NIPBL: variants seen among roughly 807,000 people sequenced by gnomAD.
The protein encoded by NIPBL is nipped-B-like protein.
NIPBL carries 19 observed loss-of-function variants against 321.8 expected under a neutral mutation model. The observed-to-expected ratio is 0.06, with a 90% CI of 0.04 to 0.09. The LOEUF (loss-of-function observed/expected upper bound fraction) is 0.09. NIPBL is among the 10% of genes least tolerant of loss of function. The pLI, the probability that NIPBL is intolerant of heterozygous loss-of-function variation, is 1.00. For synonymous variants in NIPBL, 1,106 were observed against 1,114.1 expected, an observed-to-expected ratio of 0.99 and a Z score of 0.14; for missense variants, 2,210 against 3,327.0, an observed-to-expected ratio of 0.66 and a Z score of 8.26.
intron 1 of NIPBL, among the ~76,000 whole-genome samples, chr5:36,919,518 C>T (rs1748752712): frequency 6.6e-6 from 1 of 151,936 alleles, no homozygotes; most frequent in Non-Finnish European, 1.5e-5. Context: ...TTCTCTTTAC[C>T]ATGTGCTTCT....
intron 7 of NIPBL, 64 bp downstream of exon 7, chr5:36,971,100 T>C (rs1035309248): frequency 4.3e-6 from 6 of 1,399,736 alleles, no homozygotes; most frequent in Non-Finnish European, 6.0e-6. Context: ...AACCTAGTAT[T>C]TCCATTTCAA....
intron 1 of NIPBL, among the ~76,000 whole-genome samples, chr5:36,947,571 A>G (rs1739827433): frequency 6.6e-6 from 1 of 152,032 alleles, no homozygotes; most frequent in African/African-American, 2.4e-5. Flanking sequence ...TGCATATTAT[A>G]TTAGTCTTTA....
Position 36,985,320 on chromosome 5 carries a change from C to G in NIPBL, c.2140C>G (p.Pro714Ala). 6.2e-7 allele frequency: 1 copy of G among 1,613,612 alleles called. No homozygotes were observed. The highest frequency in any genetic ancestry group is 1.3e-5 in the African/African-American group (1 of 74,946). The change falls in exon 10 of 47, where the codon CCA becomes GCA. Residue 714 changes from proline to alanine, a missense_variant. Pro to Ala is a conservative substitution (Grantham distance 27). Transcript: ENST00000282516. The part of the protein sequence containing the change: ...KQKGESRPET[P>A]KQKSDGHPET... ...AAAGGGTGAAAGCCGGCCTGAGACT[C>G]CAAAACAAAAGAGTGATGGGCATCC...
At chr5:36,971,425 A>T (rs987131099) in intron 7 of NIPBL, among the ~76,000 whole-genome samples, 4 of 146,112 alleles carry the variant, frequency 2.7e-5, no homozygotes, top group Non-Finnish European at 6.1e-5. Flanking sequence ...TCACACTAAA[A>T]TTTTTTTTTT....
intron 11 of NIPBL, among the ~76,000 whole-genome samples, chr5:36,998,792 C>A (rs1746443628): frequency 6.6e-6 from 1 of 151,884 alleles, no homozygotes; most frequent in Non-Finnish European, 1.5e-5. Context: ...ATACACACAC[C>A]CTACTTATAT....
chr5:36,922,844 C>A (rs1749051466), intron 1 of NIPBL, among the ~76,000 whole-genome samples: 1 of 152,140 alleles, frequency 6.6e-6, no homozygotes, highest in African/African-American at 2.4e-5. Context: ...CTTTACCTTA[C>A]CTTTGATAAA....
At chr5:37,054,500 A>G (rs1323315756) in intron 42 of NIPBL, among the ~76,000 whole-genome samples, 1 of 152,190 alleles carries the variant, frequency 6.6e-6, no homozygotes, top group Non-Finnish European at 1.5e-5. Context: ...CGGTTAGTAT[A>G]TCCTGAGTGC....
At chr5:36,974,719 T>G (rs1194867623) in intron 8 of NIPBL, among the ~76,000 whole-genome samples, 1 of 152,102 alleles carries the variant, frequency 6.6e-6, no homozygotes, top group Non-Finnish European at 1.5e-5. Flanking sequence ...TATATAACAT[T>G]TAAAATACAT....
At chr5:37,057,086 A>T in intron 42 of NIPBL, 100 bp from the exon 43 acceptor site, 5 of 1,118,134 alleles carry the variant, frequency 4.5e-6, no homozygotes, top group Non-Finnish European at 6.6e-6. Flanking sequence ...GTCTAACATT[A>T]AGTGAGGTGA....
At chr5:36,942,084 C>T (rs558645394) in intron 1 of NIPBL, among the ~76,000 whole-genome samples, 19 of 152,012 alleles carry the variant, frequency 1.2e-4, no homozygotes, top group Non-Finnish European at 2.6e-4. Context: ...AATTTAAAAA[C>T]TTAGATCCTT....
chr5:36,978,849 T>A (rs1743815249), intron 9 of NIPBL, among the ~76,000 whole-genome samples: 1 of 152,014 alleles, frequency 6.6e-6, no homozygotes, highest in Non-Finnish European at 1.5e-5. Context: ...TAGCGTGTAC[T>A]TTTTCCATTG....
At chr5:36,942,297 T>C (rs1293722376) in intron 1 of NIPBL, among the ~76,000 whole-genome samples, 1 of 148,468 alleles carries the variant, frequency 6.7e-6, no homozygotes, top group Non-Finnish European at 1.5e-5. Flanking sequence ...CCAGGTGGGG[T>C]GGTGAATGCC....
chr5:37,012,613 G>C (rs537823125), intron 21 of NIPBL, among the ~76,000 whole-genome samples: 1 of 151,962 alleles, frequency 6.6e-6, no homozygotes, highest in Admixed American at 6.6e-5. Context: ...GCGGCCTTCC[G>C]GCCTTCCGCA....
intron 1 of NIPBL, among the ~76,000 whole-genome samples, chr5:36,879,068 G>A (rs932608192): frequency 2.0e-5 from 3 of 152,200 alleles, no homozygotes; most frequent in African/African-American, 4.8e-5. Context: ...TTTTTTTGGG[G>A]ATGGAGGTGG....
rs1740843039 is a variant in NIPBL at position 36,955,571 on chromosome 5, C to T, written c.164C>T (p.Ala55Val). ...RIAEEVNCLL[A>V]CRDDNLVSQL... ...GCAGAAGAGGTGAACTGCCTTTTGG[C>T]TTGTAGGGATGACAATTTGGTTTCA... The change falls in exon 3 of 47, where the codon GCT becomes GTT. Residue 55 changes from alanine to valine, a missense_variant. This residue lies in a region of NIPBL where 464 missense variants were observed against 529.5 expected (regional missense o/e 0.88). Coordinates refer to ENST00000282516, the MANE Select transcript of NIPBL (RefSeq NM_133433.4). The T allele has an allele frequency of 1.2e-6, 2 of 1,613,852 alleles. No individual in the cohort carries two copies. The highest frequency in any genetic ancestry group is 1.7e-6 in the Non-Finnish European group (2 of 1,179,910).
chr5:37,017,486 A>G (rs1393454294), intron 24 of NIPBL, among the ~76,000 whole-genome samples: 5 of 152,080 alleles, frequency 3.3e-5, no homozygotes, highest in African/African-American at 9.6e-5. Context: ...AGCATACACA[A>G]TAAGATTGTT....
chr5:36,914,060 C>T (rs1222292868), intron 1 of NIPBL, among the ~76,000 whole-genome samples: 1 of 152,174 alleles, frequency 6.6e-6, no homozygotes, highest in Non-Finnish European at 1.5e-5. Context: ...TATCTGTACA[C>T]CTGGAACATT....
At chr5:37,020,264 T>A (rs1749476089) in intron 25 of NIPBL, among the ~76,000 whole-genome samples, 195 bp from the exon 26 acceptor site, 1 of 152,228 alleles carries the variant, frequency 6.6e-6, no homozygotes, top group African/African-American at 2.4e-5. Flanking sequence ...TGGAACATAG[T>A]AAAATAATAA....
chr5:36,963,112 TATG>T (rs1313571476), intron 6 of NIPBL, among the ~76,000 whole-genome samples: 1 of 152,170 alleles, frequency 6.6e-6, no homozygotes, highest in Non-Finnish European at 1.5e-5. Context: ...ATGTTGATAT[TATG>T]ATGTCTTTTT....
Sources: gnomAD v4.1 joint callset for allele counts (sites outside exome capture counted in the v4.1 genomes callset) on GRCh38, gnomAD v4.1.1 for gene constraint, gnomAD v4.1.1 regional missense constraint, MANE v1.5 for transcripts, NCBI Gene and HGNC (gene_info 2026-07-23, HGNC 2026-07-21) for gene names.